CPQ: variants seen among roughly 807,000 people sequenced by gnomAD.
The protein encoded by CPQ is Ser-Met dipeptidase.
CPQ carries 37 observed loss-of-function variants against 45.7 expected under a neutral mutation model. The observed-to-expected ratio is 0.81, with a 90% CI of 0.62 to 1.07. The LOEUF (loss-of-function observed/expected upper bound fraction) is 1.07. Ranked by LOEUF, CPQ falls within the 50% of genes least tolerant of loss-of-function variation. CPQ has a pLI of 0.00. For synonymous variants in CPQ, 186 were observed against 205.8 expected (o/e 0.90, Z 0.82); for missense variants, 537 against 572.9 (o/e 0.94, Z 0.64).
chr8:96,649,883 A>G (rs1815558959), intron 1 of CPQ, among the ~76,000 whole-genome samples: 2 of 152,220 alleles, frequency 1.3e-5, no homozygotes, highest in African/African-American at 4.8e-5. Context: ...TGAAGGAAAA[A>G]AGATTGGAGA....
chr8:96,814,180 A>T (rs1811196381), intron 2 of CPQ, among the ~76,000 whole-genome samples: 1 of 151,278 alleles, frequency 6.6e-6, no homozygotes, highest in Admixed American at 6.6e-5. Flanking sequence ...TTAGATTTTA[A>T]TTTTTTTTTA....
intron 1 of CPQ, among the ~76,000 whole-genome samples, chr8:96,745,058 C>T (rs1489305657): frequency 6.6e-6 from 1 of 152,096 alleles, no homozygotes; most frequent in Non-Finnish European, 1.5e-5. Flanking sequence ...GCCTGTAATC[C>T]CAGCACTTTG....
chr8:96,886,223 C>T (rs1812305671), intron 4 of CPQ, among the ~76,000 whole-genome samples: 1 of 152,160 alleles, frequency 6.6e-6, no homozygotes, highest in Admixed American at 6.5e-5. Flanking sequence ...GTGCACTTCA[C>T]TGGGGCTAAA....
chr8:96,872,801 G>C (rs1234166775), intron 3 of CPQ, among the ~76,000 whole-genome samples: 1 of 151,864 alleles, frequency 6.6e-6, no homozygotes, highest in East Asian at 1.9e-4. Flanking sequence ...AGAATGTACA[G>C]TAAACACAAA....
chr8:97,031,329 GGCGTGTGCCACCAC>G (rs1809903292), intron 6 of CPQ, among the ~76,000 whole-genome samples: 1 of 151,706 alleles, frequency 6.6e-6, no homozygotes. Flanking sequence ...TGGGACTCCA[GGCGTGTGCCACCAC>G]GCCCAGCTAA....
intron 2 of CPQ, among the ~76,000 whole-genome samples, chr8:96,807,941 C>A (rs757397197): frequency 6.6e-6 from 1 of 152,152 alleles, no homozygotes. Context: ...AGACTAGAGA[C>A]AATGTCAGGG....
chr8:96,802,667 G>A (rs1811022174), intron 2 of CPQ, among the ~76,000 whole-genome samples: 2 of 152,074 alleles, frequency 1.3e-5, no homozygotes, highest in South Asian at 4.1e-4. Context: ...GTAGTAGATG[G>A]CTTAAAGGTT....
intron 6 of CPQ, among the ~76,000 whole-genome samples, chr8:97,039,895 G>A (rs1208812295): frequency 6.6e-6 from 1 of 151,598 alleles, no homozygotes; most frequent in African/African-American, 2.4e-5. Context: ...TTGGACATTT[G>A]GGTTGGTTCC....
At chr8:96,954,125 C>T (rs1466079268) in intron 4 of CPQ, among the ~76,000 whole-genome samples, 2 of 152,060 alleles carry the variant, frequency 1.3e-5, no homozygotes, top group African/African-American at 4.8e-5. Flanking sequence ...TTCCTTTAAT[C>T]TTGCTCTAAT....
intron 1 of CPQ, among the ~76,000 whole-genome samples, chr8:96,779,229 C>T (rs1476779097): frequency 6.6e-6 from 1 of 152,004 alleles, no homozygotes; most frequent in African/African-American, 2.4e-5. Context: ...TCTCTGCCTG[C>T]TGAGCCATTT....
At chr8:96,962,462 G>T (rs1813476739) in intron 4 of CPQ, among the ~76,000 whole-genome samples, 1 of 152,194 alleles carries the variant, frequency 6.6e-6, no homozygotes. Context: ...AAGGAATCCA[G>T]ATCTGGCAAC....
chr8:96,726,369 A>G (rs567801399), intron 1 of CPQ, among the ~76,000 whole-genome samples: 5 of 152,308 alleles, frequency 3.3e-5, no homozygotes, highest in African/African-American at 9.6e-5. Flanking sequence ...ATTGCTATAA[A>G]GAAATAACTG....
At chr8:96,965,840 AGTTTC>A in intron 4 of CPQ, 90 bp from the exon 5 acceptor site, 4 of 725,650 alleles carry the variant, frequency 5.5e-6, no homozygotes, top group Non-Finnish European at 8.5e-6. Context: ...AAAATATAAA[AGTTTC>A]ATTTTTATAT....
chr8:96,834,722 A>T (rs1189322167), intron 2 of CPQ, among the ~76,000 whole-genome samples: 2 of 152,218 alleles, frequency 1.3e-5, no homozygotes, highest in African/African-American at 4.8e-5. Context: ...TTGTGATTTA[A>T]TACCAGCTGG....
chr8:96,740,040 A>G (rs1209906842), intron 1 of CPQ, among the ~76,000 whole-genome samples: 5 of 152,020 alleles, frequency 3.3e-5, no homozygotes, highest in African/African-American at 1.2e-4. Flanking sequence ...TGAATCTATA[A>G]ATTACCTTGG....
chr8:97,043,283 G>T lies in CPQ; in HGVS notation c.1053+13789G>T, dbSNP rs1451940269. Among the ~76,000 whole-genome samples, 18 of 151,524 alleles carry T rather than the reference G, an allele frequency of 1.2e-4. 1 individual carries two copies. The East Asian group carries it at 3.5e-3, about 29-fold the overall frequency. On this transcript the variant is annotated intron_variant, in intron 6 of 7. Coordinates refer to ENST00000220763, the MANE Select transcript of CPQ (RefSeq NM_016134.4). Reference sequence around the variant, plus strand: ...TTTGATCTTTGTTGGTTTAAAGTCTGTTTTATCAGAGACTAGGATTGCAAC... The same window carrying T: ...TTTGATCTTTGTTGGTTTAAAGTCTTTTTTATCAGAGACTAGGATTGCAAC...
intron 1 of CPQ, among the ~76,000 whole-genome samples, chr8:96,750,171 A>G (rs1282469416): frequency 6.6e-6 from 1 of 151,830 alleles, no homozygotes; most frequent in African/African-American, 2.4e-5. Flanking sequence ...ATGCTACACA[A>G]TTTATGGAAG....
intron 5 of CPQ, among the ~76,000 whole-genome samples, chr8:96,990,132 C>T (rs2130404055): frequency 6.6e-6 from 1 of 152,262 alleles, no homozygotes; most frequent in East Asian, 1.9e-4. Context: ...AACTCCTCTG[C>T]TCAGCACATC....
At chr8:96,797,780 G>A (rs1328041951) in intron 2 of CPQ, among the ~76,000 whole-genome samples, 4 of 151,984 alleles carry the variant, frequency 2.6e-5, no homozygotes, top group East Asian at 1.9e-4. Context: ...TGCCAGGTGC[G>A]GTGGCTCACA....
Sources: allele counts gnomAD v4.1 joint callset (sites outside exome capture counted in the v4.1 genomes callset), GRCh38; gene constraint gnomAD v4.1.1; transcripts MANE v1.5; gene names NCBI Gene and HGNC (gene_info 2026-07-23, HGNC 2026-07-21).